The following SLC35F4 variants were observed in gnomAD, a reference collection of about 807,000 sequenced individuals.
SLC35F4 encodes chromosome 14 open reading frame 36.
A neutral mutation model predicts 44.2 loss-of-function variants in SLC35F4; 24 were observed. The observed-to-expected ratio is 0.54, with a 90% CI of 0.39 to 0.76. SLC35F4 has a LOEUF of 0.76. Among genes scored for constraint, SLC35F4 ranks in the 30% least tolerant of loss-of-function variants. SLC35F4 has a pLI of 0.00. For synonymous variants in SLC35F4, 238 were observed against 223.6 expected (o/e 1.06, Z -0.57); for missense variants, 562 against 586.1 (o/e 0.96, Z 0.42).
chr14:57,907,309 T>G (rs1595281420), intron 1 of SLC35F4, among the ~76,000 whole-genome samples: 1 of 152,302 alleles, frequency 6.6e-6, no homozygotes, highest in South Asian at 2.1e-4. Flanking sequence ...TCATATGCAC[T>G]GGAAAAACAA....
chr14:57,654,162 T>C (rs1414506188), intron 1 of SLC35F4, among the ~76,000 whole-genome samples: 2 of 152,222 alleles, frequency 1.3e-5, no homozygotes, highest in East Asian at 3.9e-4. Context: ...ATTTCAATAG[T>C]TTTTGAGGAA....
At chr14:57,735,899 C>G (rs753608678) in intron 1 of SLC35F4, among the ~76,000 whole-genome samples, 5 of 151,968 alleles carry the variant, frequency 3.3e-5, no homozygotes, top group Admixed American at 2.6e-4. Flanking sequence ...TTTATTTTTA[C>G]TTTTAGAGAT....
At chr14:57,569,107 TTAAC>T (rs972331067) in intron 6 of SLC35F4, among the ~76,000 whole-genome samples, 20 of 152,150 alleles carry the variant, frequency 1.3e-4, no homozygotes, top group African/African-American at 4.6e-4. Flanking sequence ...TTCTTGGCCA[TTAAC>T]TAGGTACTGT....
At chr14:57,773,735 T>C (rs571662871) in intron 1 of SLC35F4, among the ~76,000 whole-genome samples, 6 of 152,342 alleles carry the variant, frequency 3.9e-5, no homozygotes, top group African/African-American at 1.4e-4. Context: ...CAGTTGTTTA[T>C]GGCAATTGCC....
intron 4 of SLC35F4, among the ~76,000 whole-genome samples, chr14:57,579,814 C>G (rs1159058553): frequency 6.6e-6 from 1 of 152,130 alleles, no homozygotes; most frequent in Non-Finnish European, 1.5e-5. Context: ...CTTGGAAGGT[C>G]CCCACCCTTG....
Position 57,569,870 on chromosome 14 carries a change from C to A in SLC35F4, c.1044G>T (p.Leu348Phe), listed in dbSNP as rs773724852. Residue 348 changes from leucine to phenylalanine, a missense_variant, in exon 6 of 8, where the codon TTG becomes TTT. Physicochemically the swap from Leu to Phe is conservative, Grantham distance 22. Transcript: ENST00000556826. Reference sequence around the variant, plus strand: ...ACCAGTGCTCCACCTTGGTGAAATACAAGATGACTGGGGTGAAGGAGATGA... The same window carrying A: ...ACCAGTGCTCCACCTTGGTGAAATAAAAGATGACTGGGGTGAAGGAGATGA... ...LIFISFTPVI[L>F]YFTKVEHWSS... 2 of 1,611,708 alleles carry A rather than the reference C, an allele frequency of 1.2e-6. No individual in the cohort carries two copies. The highest frequency in any genetic ancestry group is 1.3e-5 in the African/African-American group (1 of 74,874).
At chr14:57,566,435 G>T in intron 7 of SLC35F4, 40 bp downstream of exon 7, 1 of 1,539,988 alleles carries the variant, frequency 6.5e-7, no homozygotes, top group Non-Finnish European at 8.8e-7. Context: ...CAAGAGACTT[G>T]TAGTGGCCAG....
chr14:57,791,203 C>G (rs957282905), intron 1 of SLC35F4, among the ~76,000 whole-genome samples: 2 of 152,074 alleles, frequency 1.3e-5, no homozygotes, highest in African/African-American at 2.4e-5. Flanking sequence ...AGGCAATCTA[C>G]AGAATGGGAG....
intron 1 of SLC35F4, among the ~76,000 whole-genome samples, chr14:57,916,244 A>G (rs1889327477): frequency 6.6e-6 from 1 of 152,170 alleles, no homozygotes; most frequent in South Asian, 2.1e-4. Context: ...CACTCCTGCA[A>G]TAATCCCATT....
At chr14:57,573,821 G>A (rs1463382792) in intron 4 of SLC35F4, among the ~76,000 whole-genome samples, 1 of 152,194 alleles carries the variant, frequency 6.6e-6, no homozygotes, top group Admixed American at 6.5e-5. Context: ...AGACTGAACT[G>A]ACGGGATAAT....
chr14:57,939,161 C>G (rs1213835127), intron 1 of SLC35F4, among the ~76,000 whole-genome samples: 1 of 151,826 alleles, frequency 6.6e-6, no homozygotes, highest in Admixed American at 6.6e-5. Flanking sequence ...CTTTCCCAAG[C>G]TGCCCTGGGT....
At chr14:57,784,472 C>T (rs1019208283) in intron 1 of SLC35F4, among the ~76,000 whole-genome samples, 1 of 152,070 alleles carries the variant, frequency 6.6e-6, no homozygotes, top group East Asian at 1.9e-4. Context: ...TTGCTTGAGG[C>T]TAATAGGTCA....
At chr14:57,960,188 C>A (rs773526402) in intron 1 of SLC35F4, among the ~76,000 whole-genome samples, 3 of 152,204 alleles carry the variant, frequency 2.0e-5, no homozygotes, top group African/African-American at 4.8e-5. Flanking sequence ...TCTGAGGAAG[C>A]TGGTGATTGC....
At chr14:57,792,097 G>T (rs1029644191) in intron 1 of SLC35F4, among the ~76,000 whole-genome samples, 6 of 151,730 alleles carry the variant, frequency 4.0e-5, no homozygotes, top group Non-Finnish European at 8.8e-5. Context: ...ATGTATCCCA[G>T]AACTTAAAGT....
At chr14:57,887,136 G>C (rs1251016189) in intron 1 of SLC35F4, among the ~76,000 whole-genome samples, 1 of 152,180 alleles carries the variant, frequency 6.6e-6, no homozygotes, top group Non-Finnish European at 1.5e-5. Flanking sequence ...TTTCCCTGAG[G>C]GACTAGCACT....
downstream of SLC35F4, among the ~76,000 whole-genome samples, chr14:57,976,319 CA>C (rs1289910019): frequency 2.0e-5 from 3 of 152,264 alleles, no homozygotes; most frequent in East Asian, 3.9e-4. Context: ...GGATTGGGGG[CA>C]GGGGGAGGCC....
intron 1 of SLC35F4, among the ~76,000 whole-genome samples, chr14:57,930,674 G>A (rs1158107701): frequency 6.6e-6 from 1 of 152,170 alleles, no homozygotes; most frequent in Non-Finnish European, 1.5e-5. Flanking sequence ...CTAGAAATAA[G>A]TCTGTATGTG....
intron 1 of SLC35F4, among the ~76,000 whole-genome samples, chr14:57,893,226 C>T (rs926028411): frequency 2.0e-5 from 3 of 152,108 alleles, no homozygotes; most frequent in African/African-American, 7.2e-5. Context: ...CCATATAGTG[C>T]CCCCTTTTGG....
intron 1 of SLC35F4, among the ~76,000 whole-genome samples, chr14:57,774,104 C>T (rs530035578): frequency 1.7e-4 from 26 of 151,178 alleles, no homozygotes; most frequent in South Asian, 4.2e-4. Flanking sequence ...CATCTCCAAA[C>T]GAGGGAAGGG....
Sources: gnomAD v4.1 joint callset for allele counts (sites outside exome capture counted in the v4.1 genomes callset) on GRCh38, gnomAD v4.1.1 for gene constraint, MANE v1.5 for transcripts, NCBI Gene and HGNC (gene_info 2026-07-23, HGNC 2026-07-21) for gene names.